Variants in CTNNA3 observed in about 807,000 individuals in gnomAD.
CTNNA3 encodes the protein catenin alpha-3.
In CTNNA3, 76 loss-of-function variants were observed where a neutral mutation model predicts 95.7. The ratio of observed to expected loss-of-function variants is 0.79; its 90% CI spans 0.66 to 0.96. The LOEUF (loss-of-function observed/expected upper bound fraction) is 0.96. Ranked by LOEUF, CTNNA3 falls within the 40% of genes least tolerant of loss-of-function variation. The pLI is 0.00. For synonymous variants in CTNNA3, 431 were observed against 374.4 expected (o/e 1.15, Z -1.74); for missense variants, 1,191 against 1,089.8 (o/e 1.09, Z -1.31).
At chr10:66,541,558 G>T (rs766405418) in intron 10 of CTNNA3, among the ~76,000 whole-genome samples, 1 of 152,146 alleles carries the variant, frequency 6.6e-6, no homozygotes, top group South Asian at 2.1e-4. Flanking sequence ...GGATTTTAAT[G>T]TATTGTTAGG....
intron 6 of CTNNA3, among the ~76,000 whole-genome samples, chr10:67,195,148 A>G (rs1185524101): frequency 2.0e-5 from 3 of 152,072 alleles, no homozygotes; most frequent in African/African-American, 7.2e-5. Flanking sequence ...CCTACTATTT[A>G]ATTCCTGATA....
intron 15 of CTNNA3, among the ~76,000 whole-genome samples, chr10:65,997,364 T>C (rs998057189): frequency 2.0e-5 from 3 of 152,214 alleles, no homozygotes; most frequent in Non-Finnish European, 2.9e-5. Flanking sequence ...AGCCAAATTT[T>C]GGTGAAATAT....
intron 12 of CTNNA3, among the ~76,000 whole-genome samples, chr10:66,364,497 T>A (rs1252504207): frequency 2.0e-5 from 3 of 152,136 alleles, no homozygotes; most frequent in African/African-American, 7.2e-5. Context: ...CACTTTTTTA[T>A]ATTTTGGACA....
chr10:67,759,584 T>G (rs1841451840), intron 1 of CTNNA3, among the ~76,000 whole-genome samples: 2 of 152,214 alleles, frequency 1.3e-5, no homozygotes, highest in African/African-American at 4.8e-5. Context: ...GTCCCCAAGA[T>G]TCCCACCCCT....
intron 3 of CTNNA3, among the ~76,000 whole-genome samples, chr10:67,551,165 C>G (rs1285832738): frequency 1.3e-5 from 2 of 151,988 alleles, no homozygotes; most frequent in Admixed American, 1.3e-4. Flanking sequence ...GACACACAAG[C>G]GGCTGCACGT....
chr10:66,974,065 A>G (rs988977995), intron 7 of CTNNA3, among the ~76,000 whole-genome samples: 2 of 152,312 alleles, frequency 1.3e-5, no homozygotes, highest in African/African-American at 4.8e-5. Context: ...CTATCACCAA[A>G]AAAGTTGCCC....
At chr10:66,363,819 C>T (rs1193457754) in intron 12 of CTNNA3, among the ~76,000 whole-genome samples, 1 of 152,008 alleles carries the variant, frequency 6.6e-6, no homozygotes, top group Non-Finnish European at 1.5e-5. Context: ...TATTCCAATC[C>T]AATAATAACA....
chr10:66,149,446 A>G (rs1006108762), intron 13 of CTNNA3, among the ~76,000 whole-genome samples: 1 of 151,346 alleles, frequency 6.6e-6, no homozygotes, highest in Non-Finnish European at 1.5e-5. Flanking sequence ...TAAGCCAGCC[A>G]TAACTATTAA....
Position 66,728,391 on chromosome 10 carries a change from T to G in CTNNA3, c.1281+37873A>C, listed in dbSNP as rs1347103506. Among the ~76,000 whole-genome samples the G allele has an allele frequency of 3.3e-5, 5 of 152,230 alleles. No individual in the cohort carries two copies. The East Asian group carries it at 9.6e-4, about 29-fold the overall frequency. On this transcript the variant is annotated intron_variant, in intron 9 of 17. Transcript: ENST00000433211. ...CCCATTCTATAGGTTATCTGTTTAC[T>G]CTGATGATAGTTTATTTTGCTGTGT...
At chr10:67,481,364 T>C (rs753475131) in intron 5 of CTNNA3, among the ~76,000 whole-genome samples, 1 of 152,202 alleles carries the variant, frequency 6.6e-6, no homozygotes, top group Non-Finnish European at 1.5e-5. Flanking sequence ...AATATGATTC[T>C]GTATCTAGAA....
Position 66,713,689 on chromosome 10 carries a change from A to G in CTNNA3, c.1281+52575T>C, listed in dbSNP as rs116408315. 6.7e-3 allele frequency among the ~76,000 whole-genome samples: 1,018 copies of G among 152,174 alleles called. 15 individuals carry two copies. The highest frequency in any genetic ancestry group is 0.023 in the African/African-American group (950 of 41,540). Reference sequence around the variant, plus strand: ...CAGAGTAACCCAGAATCTTCCTCATACAAGCCTTGTCCACCTATATTCTAT... The same window carrying G: ...CAGAGTAACCCAGAATCTTCCTCATGCAAGCCTTGTCCACCTATATTCTAT... On this transcript the variant is annotated intron_variant, in intron 9 of 17. Transcript: ENST00000433211.
Position 67,037,446 on chromosome 10 carries a change from T to C in CTNNA3, c.1047+142871A>G, listed in dbSNP as rs117423854. 9.3e-3 allele frequency among the ~76,000 whole-genome samples: 1,420 copies of C among 151,984 alleles called. 14 individuals carry two copies. The highest frequency in any genetic ancestry group is 0.016 in the Non-Finnish European group (1,109 of 67,978). ...ATGTCTCTCAAGTGGCAGAGATAAG[T>C]ATTAATTATTAAAATTTCTTTTCTT... On this transcript the variant is annotated intron_variant, in intron 7 of 17. Coordinates refer to ENST00000433211, the MANE Select transcript of CTNNA3 (RefSeq NM_013266.4).
At chr10:66,526,193 A>G (rs1165142268) in intron 10 of CTNNA3, among the ~76,000 whole-genome samples, 2 of 151,934 alleles carry the variant, frequency 1.3e-5, no homozygotes, top group African/African-American at 4.8e-5. Flanking sequence ...GGATTATATG[A>G]CAATTTTTTT....
intron 5 of CTNNA3, among the ~76,000 whole-genome samples, chr10:67,346,534 G>C (rs1589194643): frequency 6.6e-6 from 1 of 151,892 alleles, no homozygotes; most frequent in East Asian, 1.9e-4. Context: ...TTTTCCTTAA[G>C]TGCTTTAAAT....
At chr10:66,481,817 T>C (rs1839546228) in intron 11 of CTNNA3, among the ~76,000 whole-genome samples, 1 of 152,180 alleles carries the variant, frequency 6.6e-6, no homozygotes, top group African/African-American at 2.4e-5. Flanking sequence ...ATAGTTGTTA[T>C]ATAATCACGA....
rs1589879917 is a variant in CTNNA3, at chr10:67,219,635, G to T, written c.815C>A (p.Thr272Asn). 4 of 1,613,880 alleles carry T rather than the reference G, an allele frequency of 2.5e-6. No individual in the cohort carries two copies. The highest frequency in any genetic ancestry group is 2.5e-6 in the Non-Finnish European group (3 of 1,179,890). ...CAGCTCATCAAGGGCACTTCCCAGGGTTGCTGCCTGAGGTTCTGGTGGGGT... is the reference window on the plus strand; with the variant it reads ...CAGCTCATCAAGGGCACTTCCCAGGTTTGCTGCCTGAGGTTCTGGTGGGGT... ...MTTPPEPQAA[T>N]LGSALDELEN... is the part of the protein sequence containing the mutation. Residue 272 changes from threonine (T) to asparagine (N), a missense_variant, in exon 6 of 18, where the codon ACC (threonine) becomes AAC (asparagine). Coordinates refer to ENST00000433211, the MANE Select transcript of CTNNA3 (RefSeq NM_013266.4).
chr10:66,214,413 C>T (rs10762028), intron 13 of CTNNA3, among the ~76,000 whole-genome samples: 25,263 of 152,030 alleles, frequency 0.17, 2,423 homozygotes, highest in Admixed American at 0.25. Context: ...GTATATTTTA[C>T]TATGTTATTT....
At chr10:67,209,362 A>G (rs1425250830) in intron 6 of CTNNA3, among the ~76,000 whole-genome samples, 1 of 152,100 alleles carries the variant, frequency 6.6e-6, no homozygotes, top group African/African-American at 2.4e-5. Context: ...ATAAGTTTTT[A>G]AATGTATGGA....
At chr10:66,535,052 G>A (rs1456572212) in intron 10 of CTNNA3, among the ~76,000 whole-genome samples, 8 of 151,802 alleles carry the variant, frequency 5.3e-5, no homozygotes, top group Admixed American at 1.3e-4. Flanking sequence ...ATTCACTGGC[G>A]CATGCAAAGT....
Sources: gnomAD v4.1 joint callset for allele counts (sites outside exome capture counted in the v4.1 genomes callset) on GRCh38, gnomAD v4.1.1 for gene constraint, MANE v1.5 for transcripts, NCBI Gene and HGNC (gene_info 2026-07-23, HGNC 2026-07-21) for gene names.